The following TENM4 variants were observed in gnomAD, a reference collection of about 807,000 sequenced individuals.
The protein encoded by TENM4 is teneurin transmembrane protein 4, also known as teneurin-4.
TENM4 carries 82 observed loss-of-function variants against 243.3 expected under a neutral mutation model. That is an observed-to-expected ratio of 0.34 (90% CI 0.28 to 0.40). The LOEUF is 0.40. TENM4 is among the 10% of genes least tolerant of loss of function. The probability of loss-of-function intolerance (pLI) is 1.00; values close to 1 mark genes in which losing one functional copy is unlikely to be tolerated. For synonymous variants in TENM4, 1,412 were observed against 1,456.3 expected, an observed-to-expected ratio of 0.97 and a Z score of 0.69; for missense variants, 3,138 against 3,673.3, an observed-to-expected ratio of 0.85 and a Z score of 3.77.
At position 78,661,405 on chromosome 11, in the gene TENM4, A is replaced by G. The variant is rs1346133453; in HGVS notation, c.7551+44T>C. 6 of 1,586,594 alleles carry G rather than the reference A, an allele frequency of 3.8e-6. No individual in the cohort carries two copies. In the East Asian group the frequency reaches 1.4e-4, roughly 36 times the overall value. ...AAAGCTGAAGGGACCCCCTCCAGTA[A>G]TGTCTGAGTGGCCTGAGGAGTGGCA... On this transcript the variant is annotated intron_variant, in intron 33 of 33. Coordinates refer to ENST00000278550, the MANE Select transcript of TENM4 (RefSeq NM_001098816.3).
chr11:79,272,807 A>T (rs1855992398), intron 2 of TENM4, among the ~76,000 whole-genome samples: 1 of 152,178 alleles, frequency 6.6e-6, no homozygotes, highest in South Asian at 2.1e-4. Context: ...CTGCCATGGC[A>T]TTCCATATTA....
At chr11:79,414,941 C>T (rs564485969) in intron 1 of TENM4, among the ~76,000 whole-genome samples, 17 of 152,322 alleles carry the variant, frequency 1.1e-4, no homozygotes, top group African/African-American at 4.1e-4. Flanking sequence ...ACCTTGCCAC[C>T]GTTCTATCTG....
At chr11:78,987,640 T>C (rs1049575217) in intron 6 of TENM4, among the ~76,000 whole-genome samples, 8 of 152,206 alleles carry the variant, frequency 5.3e-5, no homozygotes, top group Non-Finnish European at 1.2e-4. Flanking sequence ...TGTTATTCCT[T>C]GAAATTCTTA....
At chr11:78,708,231 C>T in intron 27 of TENM4, 130 bp downstream of exon 27, 2 of 1,245,404 alleles carry the variant, frequency 1.6e-6, no homozygotes, top group Non-Finnish European at 2.2e-6. Context: ...GTGCTCATCA[C>T]AGCCTGGCAC....
intron 7 of TENM4, among the ~76,000 whole-genome samples, chr11:78,897,008 C>T (rs1252532104): frequency 6.6e-6 from 1 of 152,148 alleles, no homozygotes; most frequent in Non-Finnish European, 1.5e-5. Context: ...AGGAGAGTTG[C>T]CACCATTAAC....
At position 78,787,035 on chromosome 11, in the gene TENM4, G is replaced by T; in HGVS notation, c.2228C>A (p.Thr743Asn). The change falls in exon 16 of 34, where the codon ACC becomes AAC. Residue 743 changes from threonine (T) to asparagine (N), a missense_variant. Physicochemically the swap from Thr to Asn is moderately conservative, Grantham distance 65. Coordinates refer to ENST00000278550, the MANE Select transcript of TENM4 (RefSeq NM_001098816.3). Reference sequence around the variant, plus strand: ...CATCCAGCCATCCTCGCAGCGGCAGGTGCCCCCTACGCACACGCCATGGCC... The same window carrying T: ...CATCCAGCCATCCTCGCAGCGGCAGTTGCCCCCTACGCACACGCCATGGCC... ...CGGHGVCVGG[T>N]CRCEDGWMGA... is the part of the protein sequence containing the mutation. 2.6e-6 allele frequency: 4 copies of T among 1,555,920 alleles called. No homozygotes were observed. The highest frequency in any genetic ancestry group is 3.5e-6 in the Non-Finnish European group (4 of 1,149,670).
chr11:78,827,461 C>T (rs1298234197), intron 12 of TENM4, among the ~76,000 whole-genome samples: 1 of 140,374 alleles, frequency 7.1e-6, no homozygotes, highest in African/African-American at 2.8e-5. Context: ...TCCTATCCAT[C>T]CTTCAAAGCC....
intron 12 of TENM4, among the ~76,000 whole-genome samples, chr11:78,834,697 ACT>A (rs55916469): frequency 0.016 from 2,495 of 151,806 alleles, 38 homozygotes; most frequent in Non-Finnish European, 0.023. Flanking sequence ...TGGTATGGTG[ACT>A]CTCCCTTCCC....
intron 4 of TENM4, among the ~76,000 whole-genome samples, chr11:79,074,891 G>C (rs1860500079): frequency 6.6e-6 from 1 of 152,146 alleles, no homozygotes; most frequent in South Asian, 2.1e-4. Context: ...GCAGGACCAG[G>C]GATGTGCCAG....
chr11:79,320,535 A>G (rs1185478425), intron 1 of TENM4, among the ~76,000 whole-genome samples: 2 of 152,146 alleles, frequency 1.3e-5, no homozygotes, highest in Admixed American at 1.3e-4. Context: ...CACTTCTTGG[A>G]TGTGGTAAAC....
intron 4 of TENM4, among the ~76,000 whole-genome samples, chr11:79,139,734 T>C: frequency 3.8e-5 from 3 of 79,000 alleles, no homozygotes; most frequent in East Asian, 2.5e-4. Context: ...ATATATTATA[T>C]TTATATAAAT....
intron 2 of TENM4, among the ~76,000 whole-genome samples, chr11:79,257,837 C>A (rs1295873611): frequency 6.6e-6 from 1 of 152,174 alleles, no homozygotes; most frequent in African/African-American, 2.4e-5. Context: ...CAAATGCTAT[C>A]ATTAAGGATC....
intron 2 of TENM4, among the ~76,000 whole-genome samples, chr11:79,245,872 G>A (rs996236982): frequency 4.7e-5 from 7 of 150,160 alleles, no homozygotes; most frequent in South Asian, 2.1e-4. Context: ...CCAGGGAAGC[G>A]GAGTTTGCAG....
At position 78,671,976 on chromosome 11, in the gene TENM4, G is replaced by A. The variant is rs1021284815; in HGVS notation, c.5793+57C>T. 6.2e-5 allele frequency: 96 copies of A among 1,552,870 alleles called. 1 individual carries two copies. The highest frequency in any genetic ancestry group is 5.5e-4 in the South Asian group (44 of 80,142). On this transcript the variant is annotated intron_variant, in intron 31 of 33. Coordinates refer to ENST00000278550, the MANE Select transcript of TENM4 (RefSeq NM_001098816.3). ...TGAGGCCACCAGGCTGGGCTTGGCCGTGAATGATTGGCCTTCTGTATGGCA... is the reference window on the plus strand; with the variant it reads ...TGAGGCCACCAGGCTGGGCTTGGCCATGAATGATTGGCCTTCTGTATGGCA...
intron 28 of TENM4, among the ~76,000 whole-genome samples, chr11:78,693,362 C>T (rs1033339486): frequency 3.3e-5 from 5 of 152,192 alleles, no homozygotes; most frequent in East Asian, 3.9e-4. Flanking sequence ...TCACACAGCT[C>T]GTAGAGGAAT....
chr11:78,815,354 C>T (rs972471270), intron 12 of TENM4, among the ~76,000 whole-genome samples: 2 of 151,808 alleles, frequency 1.3e-5, no homozygotes, highest in African/African-American at 4.8e-5. Flanking sequence ...CTATTACACT[C>T]TAGACTGGGC....
At chr11:78,700,366 T>C (rs1436298796) in intron 28 of TENM4, among the ~76,000 whole-genome samples, 1 of 152,206 alleles carries the variant, frequency 6.6e-6, no homozygotes, top group East Asian at 1.9e-4. Context: ...TCAGTTTCTA[T>C]GTCTGTAAAA....
chr11:79,392,774 T>G (rs1170037568), intron 1 of TENM4, among the ~76,000 whole-genome samples: 3 of 152,246 alleles, frequency 2.0e-5, no homozygotes, highest in Non-Finnish European at 4.4e-5. Context: ...GTTTAAGGTC[T>G]TCCTAAACAT....
chr11:79,364,305 C>T (rs1181894142), intron 1 of TENM4, among the ~76,000 whole-genome samples: 1 of 152,202 alleles, frequency 6.6e-6, no homozygotes, highest in Admixed American at 6.5e-5. Context: ...CTCAGCACCC[C>T]CCGGCCCAAT....
Sources: gnomAD v4.1 joint callset for allele counts (sites outside exome capture counted in the v4.1 genomes callset) on GRCh38, gnomAD v4.1.1 for gene constraint, MANE v1.5 for transcripts, NCBI Gene and HGNC (gene_info 2026-07-23, HGNC 2026-07-21) for gene names.